Variants in FOXF2 observed in about 807,000 individuals in gnomAD.
FOXF2 encodes the protein forkhead box F2, also known as forkhead box protein F2.
A neutral mutation model predicts 29.1 loss-of-function variants in FOXF2; 15 were observed. The observed-to-expected ratio is 0.52, with a 90% CI of 0.35 to 0.79. FOXF2 has a LOEUF of 0.79. FOXF2 is among the 30% of genes least tolerant of loss of function. The probability of loss-of-function intolerance (pLI) is 0.01; values close to 1 mark genes in which losing one functional copy is unlikely to be tolerated. For synonymous variants in FOXF2, 337 were observed against 316.5 expected, an observed-to-expected ratio of 1.06 and a Z score of -0.69; for missense variants, 675 against 667.1, an observed-to-expected ratio of 1.01 and a Z score of -0.13.
chr6:1,390,103 C>T lies in FOXF2; in HGVS notation c.156C>T (p.Ser52=), dbSNP rs1310085777. ...CCACCTCCTCCTCCTCGTCGTCGTC[C>T]TCCGCCTCCTGCGCCTCGTCCTCGT... ...PETTSSSSSS[S]SASCASSSSS... is the part of the protein sequence containing the mutation. The change falls in exon 1 of 2, where the codon TCC becomes TCT. Residue 52 remains serine, a synonymous_variant. Transcript: ENST00000645481. This position sits in a 1 kb window ranked among gnomAD's most constrained non-coding sequence, Gnocchi z 8.5. The T allele has an allele frequency of 1.3e-5, 18 of 1,432,042 alleles. No homozygotes were observed. The highest frequency in any genetic ancestry group is 1.7e-5 in the Non-Finnish European group (18 of 1,080,056). 88.7% of individuals were successfully genotyped at this position (1,432,042 alleles called of 1,614,324 possible).
chr6:1,391,510 CT>C (rs982635004), intron 1 of FOXF2, among the ~76,000 whole-genome samples: 3 of 152,168 alleles, frequency 2.0e-5, no homozygotes, highest in African/African-American at 7.2e-5. Flanking sequence ...CCTTTTGTCC[CT>C]TTTTTTCCTT....
Position 1,394,367 on chromosome 6 carries a change from C to G in FOXF2, c.1172-329C>G, listed in dbSNP as rs149191147. ...GAACCAGAGTCTGGGTCTAGTTGTC[C>G]GGTACCTGTGCTCATTCTGAGATTA... On this transcript the variant is annotated intron_variant, in intron 1 of 1. Transcript: ENST00000645481. 5.6e-3 allele frequency among the ~76,000 whole-genome samples: 858 copies of G among 152,266 alleles called. 11 individuals carry two copies. Among genetic ancestry groups the G allele is most frequent in the African/African-American group, 0.019 (801 of 41,562 alleles).
At chr6:1,391,492 G>A (rs1758787060) in intron 1 of FOXF2, among the ~76,000 whole-genome samples, 1 of 152,244 alleles carries the variant, frequency 6.6e-6, no homozygotes, top group Admixed American at 6.5e-5. Context: ...AGGAAGCTGT[G>A]TCTAGTTCCT....
At position 1,390,985 on chromosome 6, in the gene FOXF2, G is replaced by T. The variant is rs144247905; in HGVS notation, c.1038G>T (p.Ser346=). 138 of 1,596,032 alleles carry T rather than the reference G, an allele frequency of 8.6e-5. No homozygotes were observed. The African/African-American group carries it at 1.7e-3, about 20-fold the overall frequency. The change falls in exon 1 of 2, where the codon TCG becomes TCT. Residue 346 remains serine (S), a synonymous_variant. Coordinates refer to ENST00000645481, the MANE Select transcript of FOXF2 (RefSeq NM_001452.2). The surrounding 1 kb of genome is among the most constrained non-coding windows in gnomAD (Gnocchi z 8.5). ...CGCACTGGAGCTCGCCTGGCGCCTC[G>T]CCTTACCTCAAGCAGCCGCCTGCCC... is the stretch of plus-strand genomic sequence containing the variant. ...PAAHWSSPGA[S]PYLKQPPALT...
intron 1 of FOXF2, among the ~76,000 whole-genome samples, chr6:1,391,930 G>A (rs1045176095): frequency 2.0e-5 from 3 of 152,244 alleles, no homozygotes; most frequent in Non-Finnish European, 4.4e-5. Flanking sequence ...GGTGGGAGGG[G>A]ACGGTAGGGA....
chr6:1,389,882 G>C lies in FOXF2; in HGVS notation c.-66G>C, dbSNP rs1010750362. On this transcript the variant is annotated 5_prime_UTR_variant, in exon 1 of 2. Transcript: ENST00000645481. ...CTCGCAGGGCTTCTGGGCCGACCCCGCTCCGGCGCCTCCGCTTCCCGCCCG... is the reference window on the plus strand; with the variant it reads ...CTCGCAGGGCTTCTGGGCCGACCCCCCTCCGGCGCCTCCGCTTCCCGCCCG... The C allele has an allele frequency of 1.8e-6, 1 of 555,550 alleles. No individual in the cohort carries two copies. Among genetic ancestry groups the C allele is most frequent in the Non-Finnish European group, 2.3e-6 (1 of 439,086 alleles). 34.4% of individuals were successfully genotyped at this position (555,550 alleles called of 1,614,324 possible). A position where few individuals can be genotyped will look rare whatever the true frequency, so the allele number is the denominator to read the frequency against.
At chr6:1,394,439 T>C (rs1341149194) in intron 1 of FOXF2, among the ~76,000 whole-genome samples, 7 of 152,134 alleles carry the variant, frequency 4.6e-5, no homozygotes, top group Admixed American at 3.3e-4. Flanking sequence ...TTCCAGGACA[T>C]AAGAATCCCC....
In FOXF2 at chr6:1,390,634, G is replaced by A. The variant is rs1053232646; in HGVS notation, c.687G>A (p.Ala229=). 7 of 1,580,352 alleles carry A rather than the reference G, an allele frequency of 4.4e-6. No homozygotes were observed. The African/African-American group carries it at 9.6e-5, about 22-fold the overall frequency. ...SLLPQGFDFQ[A]PPSAPLGCHS... is the part of the protein sequence containing the mutation. Reference sequence around the variant, plus strand: ...TGCCCCAGGGCTTCGACTTCCAGGCGCCCCCGTCGGCGCCGCTCGGCTGCC... The same window carrying A: ...TGCCCCAGGGCTTCGACTTCCAGGCACCCCCGTCGGCGCCGCTCGGCTGCC... The change falls in exon 1 of 2, where the codon GCG becomes GCA. Residue 229 remains alanine (A), a synonymous_variant. Transcript: ENST00000645481. This position sits in a 1 kb window ranked among gnomAD's most constrained non-coding sequence, Gnocchi z 8.5.
chr6:1,390,194 G>T lies in FOXF2; in HGVS notation c.247G>T (p.Ala83Ser), dbSNP rs1758750901. The change falls in exon 1 of 2, where the codon GCC (alanine) becomes TCC (serine). Residue 83 changes from alanine to serine, a missense_variant. Coordinates refer to ENST00000645481, the MANE Select transcript of FOXF2 (RefSeq NM_001452.2). This position sits in a 1 kb window ranked among gnomAD's most constrained non-coding sequence, Gnocchi z 8.5. The part of the protein sequence containing the change: ...CKSAGGGGAG[A>S]GSGGAKKASS... ...GAGCGCGGGCGGCGGCGGCGCGGGCGCCGGGAGCGGGGGCGCCAAGAAGGC... is the reference window on the plus strand; with the variant it reads ...GAGCGCGGGCGGCGGCGGCGCGGGCTCCGGGAGCGGGGGCGCCAAGAAGGC... 5 of 1,484,168 alleles carry T rather than the reference G, an allele frequency of 3.4e-6. No individual in the cohort carries two copies. Among genetic ancestry groups the T allele is most frequent in the Non-Finnish European group, 4.5e-6 (5 of 1,121,888 alleles). The allele number at this position is 1,484,168 out of a possible 1,614,324, so 91.9% of individuals were successfully genotyped here. A position where few individuals can be genotyped will look rare whatever the true frequency, so the allele number is the denominator to read the frequency against.
rs765180772 is a variant in FOXF2, at chr6:1,390,437, G to A, written c.490G>A (p.Gly164Ser). 1 of 1,611,830 alleles carries A rather than the reference G, an allele frequency of 6.2e-7. No individual in the cohort carries two copies. Among genetic ancestry groups the A allele is most frequent in the East Asian group, 2.2e-5 (1 of 44,816 alleles). ...LNECFIKLPK[G>S]LGRPGKGHYW... is the part of the protein sequence containing the mutation. ...CGAGTGCTTCATCAAGCTGCCTAAGGGCCTCGGGCGGCCCGGCAAGGGCCA... is the reference window on the plus strand; with the variant it reads ...CGAGTGCTTCATCAAGCTGCCTAAGAGCCTCGGGCGGCCCGGCAAGGGCCA... The change falls in exon 1 of 2, where the codon GGC (glycine) becomes AGC (serine). Residue 164 changes from glycine (G) to serine (S), a missense_variant. Gly to Ser is a moderately conservative substitution (Grantham distance 56). This residue lies in a region of FOXF2 where 451 missense variants were observed against 437.2 expected (regional missense o/e 1.03). Transcript: ENST00000645481. This position sits in a 1 kb window ranked among gnomAD's most constrained non-coding sequence, Gnocchi z 8.5.
rs931228168 is a variant in FOXF2 at position 1,395,153 on chromosome 6, T to C, written c.*294T>C. 1.5e-5 allele frequency: 7 copies of C among 455,066 alleles called. No individual in the cohort carries two copies. The highest frequency in any genetic ancestry group is 1.1e-4 in the Admixed American group (3 of 28,208). 28.2% of individuals were successfully genotyped at this position (455,066 alleles called of 1,614,324 possible). A position where few individuals can be genotyped will look rare whatever the true frequency, so the allele number is the denominator to read the frequency against. The stretch of plus-strand genomic sequence containing the variant: ...TGCGTAAGGCATCAACGTGTATCTG[T>C]GGGATCTTCGTTGCCTTCAGTAATC... On this transcript the variant is annotated 3_prime_UTR_variant, in exon 2 of 2. Coordinates refer to ENST00000645481, the MANE Select transcript of FOXF2 (RefSeq NM_001452.2).
Position 1,390,567 on chromosome 6 carries a change from A to G in FOXF2, c.620A>G (p.Tyr207Cys). 1 of 1,603,386 alleles carries G rather than the reference A, an allele frequency of 6.2e-7. No homozygotes were observed. Among genetic ancestry groups the G allele is most frequent in the Non-Finnish European group, 8.5e-7 (1 of 1,177,702 alleles). The stretch of plus-strand genomic sequence containing the variant: ...AAGTGCCAGGCGCTCAAGCCCATGT[A>G]CCACCGCGTGGTGAGCGGCTTGGGC... ...RRKCQALKPM[Y>C]HRVVSGLGFG... Residue 207 changes from tyrosine (Y) to cysteine (C), a missense_variant, in exon 1 of 2, where the codon TAC becomes TGC. Tyr to Cys is a radical substitution (Grantham distance 194). Around this residue, in one of 3 missense-constraint regions of FOXF2, gnomAD observed 451 missense variants for 437.2 expected, o/e 1.03. Coordinates refer to ENST00000645481, the MANE Select transcript of FOXF2 (RefSeq NM_001452.2). This position sits in a 1 kb window ranked among gnomAD's most constrained non-coding sequence, Gnocchi z 8.5.
At chr6:1,394,084 C>T (rs2113372363) in intron 1 of FOXF2, among the ~76,000 whole-genome samples, 1 of 152,364 alleles carries the variant, frequency 6.6e-6, no homozygotes, top group East Asian at 1.9e-4. Flanking sequence ...CGTTCGGGAC[C>T]CACGAAGATG....
Position 1,394,951 on chromosome 6 carries a change from G to A in FOXF2, c.*92G>A, listed in dbSNP as rs113145019. ...GGACGGATTCAAGTCACATGCACGC[G>A]GATAGCAGTAAGCCACACACCTGCC... On this transcript the variant is annotated 3_prime_UTR_variant, in exon 2 of 2. Coordinates refer to ENST00000645481, the MANE Select transcript of FOXF2 (RefSeq NM_001452.2). 3.1e-4 allele frequency: 407 copies of A among 1,322,480 alleles called. 5 individuals are homozygous for A. In the African/African-American group the frequency reaches 4.6e-3, roughly 15 times the overall value. The allele number at this position is 1,322,480 out of a possible 1,614,324, so 81.9% of individuals were successfully genotyped here. A position where few individuals can be genotyped will look rare whatever the true frequency, so the allele number is the denominator to read the frequency against.
In FOXF2 at chr6:1,389,750, C is replaced by CCCGCCGCCG. The variant is rs1267626075; in HGVS notation, c.-186_-178dup. ...GGGATGCGCCGGGCGTTGCCTCCCG[C>CCCGCCGCCG]CCGCCGCCGCCGCCGCCGCCAGAAG... On this transcript the variant is annotated 5_prime_UTR_variant, in exon 1 of 2. Coordinates refer to ENST00000645481, the MANE Select transcript of FOXF2 (RefSeq NM_001452.2). 2.6e-5 allele frequency: 4 copies of CCCGCCGCCG among 152,304 alleles called. 1 individual carries two copies. The highest frequency in any genetic ancestry group is 6.7e-5 in the Admixed American group (1 of 14,858). 9.4% of individuals were successfully genotyped at this position (152,304 alleles called of 1,614,324 possible). A position where few individuals can be genotyped will look rare whatever the true frequency, so the allele number is the denominator to read the frequency against.
Position 1,395,173 on chromosome 6 carries a change from G to A in FOXF2, c.*314G>A. On this transcript the variant is annotated 3_prime_UTR_variant, in exon 2 of 2. Coordinates refer to ENST00000645481, the MANE Select transcript of FOXF2 (RefSeq NM_001452.2). The stretch of plus-strand genomic sequence containing the variant: ...ATCTGTGGGATCTTCGTTGCCTTCA[G>A]TAATCAGGGTGTGAAAAAAGCAGAC... The A allele has an allele frequency of 2.5e-6, 1 of 400,686 alleles. No individual in the cohort carries two copies. Among genetic ancestry groups the A allele is most frequent in the Non-Finnish European group, 4.6e-6 (1 of 215,530 alleles). The allele number at this position is 400,686 out of a possible 1,614,324, so 24.8% of individuals were successfully genotyped here.
chr6:1,393,144 T>A (rs1051374388), intron 1 of FOXF2, among the ~76,000 whole-genome samples: 2 of 151,918 alleles, frequency 1.3e-5, no homozygotes, highest in African/African-American at 2.4e-5. Flanking sequence ...GATCAGCACA[T>A]GTCTACGCGC....
intron 1 of FOXF2, among the ~76,000 whole-genome samples, chr6:1,392,812 CAG>C (rs1328249135): frequency 1.3e-5 from 2 of 152,248 alleles, no homozygotes; most frequent in African/African-American, 4.8e-5. Context: ...TGCCCCTACC[CAG>C]CGGCCTCCCG....
intron 1 of FOXF2, among the ~76,000 whole-genome samples, chr6:1,394,092 A>T (rs1758852336): frequency 6.6e-6 from 1 of 152,240 alleles, no homozygotes; most frequent in African/African-American, 2.4e-5. Flanking sequence ...ACCCACGAAG[A>T]TGCCTGCGGA....
Sources: allele counts gnomAD v4.1 joint callset (sites outside exome capture counted in the v4.1 genomes callset), GRCh38; gene constraint gnomAD v4.1.1; regional missense constraint gnomAD v4.1.1; non-coding constraint Gnocchi (gnomAD v3.1); transcripts MANE v1.5; gene names NCBI Gene and HGNC (gene_info 2026-07-23, HGNC 2026-07-21).